Variants in ADCY5 observed in about 807,000 individuals in gnomAD.
The protein encoded by ADCY5 is adenylate cyclase 5.
Under a neutral mutation model 119.7 loss-of-function variants are expected in ADCY5, and 30 were observed. The ratio of observed to expected loss-of-function variants is 0.25; its 90% CI spans 0.19 to 0.34. ADCY5 has a LOEUF of 0.34. Ranked by LOEUF, ADCY5 falls within the 10% of genes least tolerant of loss-of-function variation. ADCY5 has a pLI of 1.00. For synonymous variants in ADCY5, 753 were observed against 762.2 expected, an observed-to-expected ratio of 0.99 and a Z score of 0.20; for missense variants, 1,324 against 1,775.2, an observed-to-expected ratio of 0.75 and a Z score of 4.57.
intron 1 of ADCY5, among the ~76,000 whole-genome samples, chr3:123,361,930 G>C (rs893604299): frequency 6.6e-6 from 1 of 152,154 alleles, no homozygotes; most frequent in African/African-American, 2.4e-5. Flanking sequence ...AGCTCAAAAT[G>C]TTTCAGATTT....
At chr3:123,415,218 G>A (rs991993498) in intron 1 of ADCY5, among the ~76,000 whole-genome samples, 5 of 152,208 alleles carry the variant, frequency 3.3e-5, no homozygotes, top group African/African-American at 7.2e-5. Flanking sequence ...ATTTGTTAGA[G>A]AGGAATGGGA....
chr3:123,303,561 C>T (rs1388787699), intron 13 of ADCY5, among the ~76,000 whole-genome samples: 1 of 152,128 alleles, frequency 6.6e-6, no homozygotes, highest in Non-Finnish European at 1.5e-5. Context: ...CCTGTAATCC[C>T]AGTACTTTGA....
rs1005067495 is a variant in ADCY5 at position 123,448,018 on chromosome 3, G to A, written c.528C>T (p.Gly176=). 10 of 1,273,802 alleles carry A rather than the reference G, an allele frequency of 7.9e-6. No individual in the cohort carries two copies. The Admixed American group carries it at 1.6e-4, about 21-fold the overall frequency. 78.9% of individuals were successfully genotyped at this position (1,273,802 alleles called of 1,614,324 possible). A position where few individuals can be genotyped will look rare whatever the true frequency, so the allele number is the denominator to read the frequency against. The change falls in exon 1 of 21, where the codon GGC becomes GGT. Residue 176 remains glycine, a synonymous_variant. Transcript: ENST00000462833. ...CGGACCCCTCGCCGCCCTCGACGGC[G>A]CCGGCCTCCAGCTCGTCGGCCGCGC... The part of the protein sequence containing the change: ...KGRAADELEA[G]AVEGGEGSGD...
At chr3:123,342,092 G>A (rs569379324) in intron 3 of ADCY5, among the ~76,000 whole-genome samples, 32 of 152,174 alleles carry the variant, frequency 2.1e-4, no homozygotes, top group African/African-American at 7.5e-4. Flanking sequence ...CATCGTGGCC[G>A]GCCCAGAATA....
At chr3:123,400,941 C>CA (rs1319324344) in intron 1 of ADCY5, among the ~76,000 whole-genome samples, 2 of 143,812 alleles carry the variant, frequency 1.4e-5, no homozygotes, top group Admixed American at 7.0e-5. Flanking sequence ...AACTCCGTCT[C>CA]AAAAAAAAAG....
chr3:123,359,363 T>TATATATATATATATATATATATATATATA (rs1943163024), intron 1 of ADCY5, among the ~76,000 whole-genome samples: 4 of 132,704 alleles, frequency 3.0e-5, no homozygotes, highest in Non-Finnish European at 4.8e-5. Context: ...TATATATATA[T>TATATATATATATATATATATATATATATA]TCATTATTTA....
chr3:123,286,121 A>G lies in ADCY5; in HGVS notation c.3657+564T>C, dbSNP rs1180494186. ...TCAGACTGCAGCAGAGAATCAAGGA[A>G]GGCTCAAAAAGCAGCAGCTGAAGAA... is the stretch of plus-strand genomic sequence containing the variant. On this transcript the variant is annotated intron_variant, in intron 20 of 20. Coordinates refer to ENST00000462833, the MANE Select transcript of ADCY5 (RefSeq NM_183357.3). The surrounding 1 kb of genome is among the most constrained non-coding windows in gnomAD (Gnocchi z 4.2). Among the ~76,000 whole-genome samples the G allele has an allele frequency of 1.3e-5, 2 of 152,188 alleles. No homozygotes were observed. The highest frequency in any genetic ancestry group is 2.1e-4 in the South Asian group (1 of 4,830).
chr3:123,319,363 A>G (rs1409653169), intron 10 of ADCY5, among the ~76,000 whole-genome samples: 2 of 151,988 alleles, frequency 1.3e-5, no homozygotes, highest in Non-Finnish European at 2.9e-5. Context: ...CAAAAAAAAA[A>G]AAAATGAAAA....
chr3:123,341,829 G>A (rs1942295150), intron 3 of ADCY5, among the ~76,000 whole-genome samples: 1 of 152,078 alleles, frequency 6.6e-6, no homozygotes, highest in East Asian at 1.9e-4. Flanking sequence ...CTGGCAGGCT[G>A]TATATAGTAG....
intron 8 of ADCY5, among the ~76,000 whole-genome samples, chr3:123,322,083 T>C (rs1941247891): frequency 6.6e-6 from 1 of 152,148 alleles, no homozygotes; most frequent in Admixed American, 6.5e-5. Flanking sequence ...GTCACTCAAG[T>C]GAGCTCTCCC....
chr3:123,416,077 T>A, intron 1 of ADCY5: 1 of 1,290,620 alleles, frequency 7.7e-7, no homozygotes, highest in African/African-American at 1.5e-5. Flanking sequence ...GGGGTTACAG[T>A]ACAGGCCCCA....
At chr3:123,426,388 G>T (rs539425706) in intron 1 of ADCY5, among the ~76,000 whole-genome samples, 1 of 150,902 alleles carries the variant, frequency 6.6e-6, no homozygotes, top group African/African-American at 2.4e-5. Flanking sequence ...CAGTGGTGTG[G>T]TCTTGGCTCA....
rs1459225017 is a variant in ADCY5 at position 123,296,230 on chromosome 3, G to A, written c.2931-14C>T. 1.9e-6 allele frequency: 3 copies of A among 1,612,934 alleles called. No individual in the cohort carries two copies. Among genetic ancestry groups the A allele is most frequent in the Non-Finnish European group, 2.5e-6 (3 of 1,179,690 alleles). On this transcript the variant is annotated splice_polypyrimidine_tract_variant and intron_variant, in intron 16 of 20. Transcript: ENST00000462833. ...GCATGCTCAGGGCTGTGGGGAGGTG[G>A]TGGACAGGCCTGAGACGGCCGTGGC...
In ADCY5 at chr3:123,286,851, C is replaced by T; in HGVS notation, c.3533-42G>A. The T allele has an allele frequency of 4.5e-6, 7 of 1,542,894 alleles. No individual in the cohort carries two copies. The highest frequency in any genetic ancestry group is 6.1e-6 in the Non-Finnish European group (7 of 1,147,166). ...TCAGCCACAGTCATCACATCTCTGG[C>T]TTGACCTTGCCACCATCTGTCTCCC... On this transcript the variant is annotated intron_variant, in intron 19 of 20. Coordinates refer to ENST00000462833, the MANE Select transcript of ADCY5 (RefSeq NM_183357.3). This position sits in a 1 kb window ranked among gnomAD's most constrained non-coding sequence, Gnocchi z 4.2.
chr3:123,306,907 C>G (rs1940229383), intron 12 of ADCY5, among the ~76,000 whole-genome samples: 1 of 152,216 alleles, frequency 6.6e-6, no homozygotes, highest in African/African-American at 2.4e-5. Flanking sequence ...GAATATTTTT[C>G]AGGCATAAAG....
At chr3:123,308,953 A>C (rs112278279) in intron 12 of ADCY5, among the ~76,000 whole-genome samples, 2,703 of 152,366 alleles carry the variant, frequency 0.018, 83 homozygotes, top group African/African-American at 0.062. Context: ...AACTGCCTGC[A>C]CCAGCCAATC....
At chr3:123,437,516 G>A (rs1345713006) in intron 1 of ADCY5, among the ~76,000 whole-genome samples, 2 of 152,122 alleles carry the variant, frequency 1.3e-5, no homozygotes, top group Non-Finnish European at 1.5e-5. Flanking sequence ...CCCAGTTTCT[G>A]CAGCGGTGTA....
Position 123,286,214 on chromosome 3 carries a change from G to GTGGCCAGGGCCCTTGGCTGC in ADCY5, c.3657+451_3657+470dup, listed in dbSNP as rs1399743419. 6.6e-6 allele frequency among the ~76,000 whole-genome samples: 1 copy of GTGGCCAGGGCCCTTGGCTGC among 152,202 alleles called. No homozygotes were observed. Among genetic ancestry groups the GTGGCCAGGGCCCTTGGCTGC allele is most frequent in the Non-Finnish European group, 1.5e-5 (1 of 68,030 alleles). On this transcript the variant is annotated intron_variant, in intron 20 of 20. Transcript: ENST00000462833. This position sits in a 1 kb window ranked among gnomAD's most constrained non-coding sequence, Gnocchi z 4.2. Reference sequence around the variant, plus strand: ...GCAAGGGGAAAAGGCCTCTGAGTCTGTGGCCAGGGCCCTTGGCTGCTGGGG... The same window carrying GTGGCCAGGGCCCTTGGCTGC: ...GCAAGGGGAAAAGGCCTCTGAGTCTGTGGCCAGGGCCCTTGGCTGCTGGCCAGGGCCCTTGGCTGCTGGGG...
chr3:123,358,154 ACGTGTGTGTGTGTGTGTGTG>A (rs953065605), intron 1 of ADCY5, among the ~76,000 whole-genome samples: 12 of 81,236 alleles, frequency 1.5e-4, no homozygotes, highest in African/African-American at 4.9e-4. Flanking sequence ...CACATGGAAC[ACGTGTGTGTGTGTGTGTGTG>A]TGTGTGTGTG....
Sources: allele counts gnomAD v4.1 joint callset (sites outside exome capture counted in the v4.1 genomes callset), GRCh38; gene constraint gnomAD v4.1.1; non-coding constraint Gnocchi (gnomAD v3.1); transcripts MANE v1.5; gene names NCBI Gene and HGNC (gene_info 2026-07-23, HGNC 2026-07-21).